Variants in SP8 observed in about 807,000 individuals in gnomAD.
The protein encoded by SP8 is transcription factor Sp8.
Under a neutral mutation model 15.3 loss-of-function variants are expected in SP8, and 7 were observed. The ratio of observed to expected loss-of-function variants is 0.46; its 90% CI spans 0.26 to 0.86. The LOEUF is 0.86. SP8 is among the 40% of genes least tolerant of loss of function. The pLI, the probability that SP8 is intolerant of heterozygous loss-of-function variation, is 0.16. For synonymous variants in SP8, 415 were observed against 356.3 expected (o/e 1.16, Z -1.86); for missense variants, 731 against 736.4 (o/e 0.99, Z 0.09).
chr7:20,785,594 A>G lies in SP8; in HGVS notation c.223T>C (p.Ser75Pro), dbSNP rs147160703. The stretch of plus-strand genomic sequence containing the variant: ...GAGCCGCCGTTCCTGGAGGCCCCGG[A>G]CACGCCGAAGCTTGAGAGACTGGAA... ...VGSSLSSFGV[S>P]GASRNGGSSS... The change falls in exon 2 of 2, where the codon TCC becomes CCC. Residue 75 changes from serine to proline, a missense_variant. Physicochemically the swap from Ser to Pro is moderately conservative, Grantham distance 74. This residue lies in a region of SP8 where 586 missense variants were observed against 524.9 expected (regional missense o/e 1.12). Coordinates refer to ENST00000418710, the MANE Select transcript of SP8 (RefSeq NM_182700.6). The surrounding 1 kb of genome is among the most constrained non-coding windows in gnomAD (Gnocchi z 7.2). 6.7e-7 allele frequency: 1 copy of G among 1,483,570 alleles called. No individual in the cohort carries two copies. Among genetic ancestry groups the G allele is most frequent in the South Asian group, 1.1e-5 (1 of 89,386 alleles). The allele number at this position is 1,483,570 out of a possible 1,614,324, so 91.9% of individuals were successfully genotyped here. A position where few individuals can be genotyped will look rare whatever the true frequency, so the allele number is the denominator to read the frequency against.
Position 20,784,204 on chromosome 7 carries a change from A to C in SP8, c.*86T>G, listed in dbSNP as rs1339312172. ...GAGAGCGAGTCGGATGCAATAGGGAAAGGCTGGAGTTGAAGTCCGGACAGA... is the reference window on the plus strand; with the variant it reads ...GAGAGCGAGTCGGATGCAATAGGGACAGGCTGGAGTTGAAGTCCGGACAGA... On this transcript the variant is annotated 3_prime_UTR_variant, in exon 2 of 2. Coordinates refer to ENST00000418710, the MANE Select transcript of SP8 (RefSeq NM_182700.6). 15 of 1,181,840 alleles carry C rather than the reference A, an allele frequency of 1.3e-5. No homozygotes were observed. The highest frequency in any genetic ancestry group is 1.7e-5 in the Non-Finnish European group (15 of 900,596). 73.2% of individuals were successfully genotyped at this position (1,181,840 alleles called of 1,614,324 possible).
chr7:20,785,698 C>A lies in SP8; in HGVS notation c.119G>T (p.Ser40Ile). The A allele has an allele frequency of 6.2e-7, 1 of 1,613,976 alleles. No homozygotes were observed. The highest frequency in any genetic ancestry group is 8.5e-7 in the Non-Finnish European group (1 of 1,179,994). ...GAAGCCTTTGCCGAAGGAAGAAGAG[C>A]TGTCCGAGAGGGAGGAGGGAGACGG... is the stretch of plus-strand genomic sequence containing the variant. ...PSPSPSSLSDSSSSFGKGFHP... is the reference protein window; with the variant it reads ...PSPSPSSLSDISSSFGKGFHP... Residue 40 changes from serine to isoleucine, a missense_variant, in exon 2 of 2, where the codon AGC (serine) becomes ATC (isoleucine). Transcript: ENST00000418710. This position sits in a 1 kb window ranked among gnomAD's most constrained non-coding sequence, Gnocchi z 7.2.
At position 20,785,832 on chromosome 7, in the gene SP8, G is replaced by A; in HGVS notation, c.22-37C>T. On this transcript the variant is annotated intron_variant, in intron 1 of 1. Transcript: ENST00000418710. This position sits in a 1 kb window ranked among gnomAD's most constrained non-coding sequence, Gnocchi z 7.2. ...AGAGGAGAAGGAGTGGGGGAGGGGA[G>A]GTGGGCAAAGGGCCGGTGGGGGAGG... The A allele has an allele frequency of 6.4e-7, 1 of 1,572,664 alleles. No homozygotes were observed. The highest frequency in any genetic ancestry group is 8.7e-7 in the Non-Finnish European group (1 of 1,147,878).
At position 20,785,424 on chromosome 7, in the gene SP8, TGCGGCGGCG is replaced by T. The variant is rs770823639; in HGVS notation, c.384_392del (p.Ala132_Ala134del). 122 of 1,167,150 alleles carry T rather than the reference TGCGGCGGCG, an allele frequency of 1.0e-4. No individual in the cohort carries two copies. Among genetic ancestry groups the T allele is most frequent in the Admixed American group, 2.3e-4 (7 of 30,000 alleles). 72.3% of individuals were successfully genotyped at this position (1,167,150 alleles called of 1,614,324 possible). Reference sequence around the variant, plus strand: ...CGAAGGGCGAGCTGGAGGCGGCGGCTGCGGCGGCGGCGGCGGCGGCTGCGGCGCTGCTGG... The same window carrying T: ...CGAAGGGCGAGCTGGAGGCGGCGGCTGCGGCGGCGGCTGCGGCGCTGCTGG... On this transcript the variant is annotated inframe_deletion, in exon 2 of 2. Coordinates refer to ENST00000418710, the MANE Select transcript of SP8 (RefSeq NM_182700.6). The surrounding 1 kb of genome is among the most constrained non-coding windows in gnomAD (Gnocchi z 7.2).
chr7:20,785,426 C>A lies in SP8; in HGVS notation c.391G>T (p.Ala131Ser). ...AAGGGCGAGCTGGAGGCGGCGGCTG[C>A]GGCGGCGGCGGCGGCGGCTGCGGCG... ...SSAAAAAAAA[A>S]AAASSSPFAN... Residue 131 changes from alanine to serine, a missense_variant, in exon 2 of 2, where the codon GCA becomes TCA. Coordinates refer to ENST00000418710, the MANE Select transcript of SP8 (RefSeq NM_182700.6). This position sits in a 1 kb window ranked among gnomAD's most constrained non-coding sequence, Gnocchi z 7.2. 2 of 1,183,930 alleles carry A rather than the reference C, an allele frequency of 1.7e-6. No individual in the cohort carries two copies. The highest frequency in any genetic ancestry group is 2.1e-6 in the Non-Finnish European group (2 of 938,540). 73.3% of individuals were successfully genotyped at this position (1,183,930 alleles called of 1,614,324 possible).
rs891270195 is a variant in SP8 at position 20,783,966 on chromosome 7, G to T, written c.*324C>A. On this transcript the variant is annotated 3_prime_UTR_variant, in exon 2 of 2. Coordinates refer to ENST00000418710, the MANE Select transcript of SP8 (RefSeq NM_182700.6). ...AAAAGTTACGCCCTTCACAACCTGGGGGGTGGAGGAGGGGAGGACAAGGAA... is the reference window on the plus strand; with the variant it reads ...AAAAGTTACGCCCTTCACAACCTGGTGGGTGGAGGAGGGGAGGACAAGGAA... The T allele has an allele frequency of 1.1e-5, 4 of 360,898 alleles. No individual in the cohort carries two copies. Among genetic ancestry groups the T allele is most frequent in the Non-Finnish European group, 1.5e-5 (3 of 205,030 alleles). The allele number at this position is 360,898 out of a possible 1,614,324, so 22.4% of individuals were successfully genotyped here.
rs1783521787 is a variant in SP8, at chr7:20,782,286, TTATC to T, written c.*2000_*2003del. 1 of 45,112 alleles carries T rather than the reference TTATC, an allele frequency of 2.2e-5. No individual in the cohort carries two copies. Among genetic ancestry groups the T allele is most frequent in the Non-Finnish European group, 4.1e-5 (1 of 24,142 alleles). 2.8% of individuals were successfully genotyped at this position (45,112 alleles called of 1,614,324 possible). On this transcript the variant is annotated 3_prime_UTR_variant, in exon 2 of 2. Transcript: ENST00000418710. ...AATACAAATTAACTGGCCTAGTCTT[TTATC>T]TGAGTTTATTATACCATTTAAAATA...
chr7:20,785,395 T>C lies in SP8; in HGVS notation c.422A>G (p.Asn141Ser). ...GGGGGCCTGGAAAACAGAGTAGTCG[T>C]TGGCGAAGGGCGAGCTGGAGGCGGC... ...AAAASSSPFA[N>S]DYSVFQAPGV... Residue 141 changes from asparagine (N) to serine (S), a missense_variant, in exon 2 of 2, where the codon AAC (asparagine) becomes AGC (serine). By Grantham distance (46) the Asn-to-Ser change is conservative. Coordinates refer to ENST00000418710, the MANE Select transcript of SP8 (RefSeq NM_182700.6). This position sits in a 1 kb window ranked among gnomAD's most constrained non-coding sequence, Gnocchi z 7.2. The C allele has an allele frequency of 8.0e-7, 1 of 1,246,662 alleles. No individual in the cohort carries two copies. Among genetic ancestry groups the C allele is most frequent in the Non-Finnish European group, 1.0e-6 (1 of 973,292 alleles). 77.2% of individuals were successfully genotyped at this position (1,246,662 alleles called of 1,614,324 possible).
Position 20,786,633 on chromosome 7 carries a change from A to C in SP8, c.21+145T>G. 1 of 739,954 alleles carries C rather than the reference A, an allele frequency of 1.4e-6. No individual in the cohort carries two copies. The highest frequency in any genetic ancestry group is 2.4e-6 in the Non-Finnish European group (1 of 417,770). 45.8% of individuals were successfully genotyped at this position (739,954 alleles called of 1,614,324 possible). A position where few individuals can be genotyped will look rare whatever the true frequency, so the allele number is the denominator to read the frequency against. On this transcript the variant is annotated intron_variant, in intron 1 of 1. Transcript: ENST00000418710. This position sits in a 1 kb window ranked among gnomAD's most constrained non-coding sequence, Gnocchi z 4.4. The stretch of plus-strand genomic sequence containing the variant: ...CTTCTCCCCCTTTTTCTTTTCTCCA[A>C]ACTCACTTGTATTTAAAGAAAAAAA...
In SP8 at chr7:20,785,994, G is replaced by A; in HGVS notation, c.22-199C>T. Reference sequence around the variant, plus strand: ...GCGCCCGGCCGCTTCCTACTCTACAGGAGGGGACAAGTTTGGCTGCCGGCG... The same window carrying A: ...GCGCCCGGCCGCTTCCTACTCTACAAGAGGGGACAAGTTTGGCTGCCGGCG... On this transcript the variant is annotated intron_variant, in intron 1 of 1. Transcript: ENST00000418710. The surrounding 1 kb of genome is among the most constrained non-coding windows in gnomAD (Gnocchi z 7.2). 1 of 1,421,190 alleles carries A rather than the reference G, an allele frequency of 7.0e-7. No homozygotes were observed. The highest frequency in any genetic ancestry group is 9.2e-7 in the Non-Finnish European group (1 of 1,090,596). The allele number at this position is 1,421,190 out of a possible 1,614,324, so 88.0% of individuals were successfully genotyped here. A position where few individuals can be genotyped will look rare whatever the true frequency, so the allele number is the denominator to read the frequency against.
Position 20,786,043 on chromosome 7 carries a change from G to A in SP8, c.22-248C>T. On this transcript the variant is annotated intron_variant, in intron 1 of 1. Coordinates refer to ENST00000418710, the MANE Select transcript of SP8 (RefSeq NM_182700.6). The surrounding 1 kb of genome is among the most constrained non-coding windows in gnomAD (Gnocchi z 4.4). ...CGTCTGATTCGGGAGCAAGCACCAC[G>A]CTAAAGAAGAGTTTGACAAGTATTC... The A allele has an allele frequency of 3.6e-6, 5 of 1,377,784 alleles. No individual in the cohort carries two copies. The highest frequency in any genetic ancestry group is 4.7e-6 in the Non-Finnish European group (5 of 1,065,712). The allele number at this position is 1,377,784 out of a possible 1,614,324, so 85.3% of individuals were successfully genotyped here.
Position 20,785,429 on chromosome 7 carries a change from C to G in SP8, c.388G>C (p.Ala130Pro). 1.7e-6 allele frequency: 2 copies of G among 1,177,498 alleles called. No individual in the cohort carries two copies. The highest frequency in any genetic ancestry group is 2.1e-6 in the Non-Finnish European group (2 of 940,162). 72.9% of individuals were successfully genotyped at this position (1,177,498 alleles called of 1,614,324 possible). The change falls in exon 2 of 2, where the codon GCC becomes CCC. Residue 130 changes from alanine (A) to proline (P), a missense_variant. Transcript: ENST00000418710. This position sits in a 1 kb window ranked among gnomAD's most constrained non-coding sequence, Gnocchi z 7.2. ...SSSAAAAAAA[A>P]AAAASSSPFA... ...GGCGAGCTGGAGGCGGCGGCTGCGG[C>G]GGCGGCGGCGGCGGCTGCGGCGCTG...
rs779330461 is a variant in SP8, at chr7:20,785,400, G to C, written c.417C>G (p.Phe139Leu). Reference protein sequence around the residue: ...AAAAAASSSPFANDYSVFQAP... With the variant: ...AAAAAASSSPLANDYSVFQAP... Reference sequence around the variant, plus strand: ...CCTGGAAAACAGAGTAGTCGTTGGCGAAGGGCGAGCTGGAGGCGGCGGCTG... The same window carrying C: ...CCTGGAAAACAGAGTAGTCGTTGGCCAAGGGCGAGCTGGAGGCGGCGGCTG... The change falls in exon 2 of 2, where the codon TTC (phenylalanine) becomes TTG (leucine). Residue 139 changes from phenylalanine to leucine, a missense_variant. By Grantham distance (22) the Phe-to-Leu change is conservative. This residue lies in a region of SP8 where 586 missense variants were observed against 524.9 expected (regional missense o/e 1.12). Transcript: ENST00000418710. This position sits in a 1 kb window ranked among gnomAD's most constrained non-coding sequence, Gnocchi z 7.2. 2,881 of 1,257,544 alleles carry C rather than the reference G, an allele frequency of 2.3e-3. 10 individuals carry two copies. Among genetic ancestry groups the C allele is most frequent in the Non-Finnish European group, 2.6e-3 (2,535 of 981,676 alleles). The allele number at this position is 1,257,544 out of a possible 1,614,324, so 77.9% of individuals were successfully genotyped here.
rs1199325698 is a variant in SP8 at position 20,782,690 on chromosome 7, T to C, written c.*1600A>G. 1.3e-5 allele frequency: 2 copies of C among 152,730 alleles called. No individual in the cohort carries two copies. Among genetic ancestry groups the C allele is most frequent in the East Asian group, 3.9e-4 (2 of 5,188 alleles). The allele number at this position is 152,730 out of a possible 1,614,324, so 9.5% of individuals were successfully genotyped here. Reference sequence around the variant, plus strand: ...AATGTCATCCAACATTTATCAAATATTGTCTTAGTTACAGCTTGATACCTA... The same window carrying C: ...AATGTCATCCAACATTTATCAAATACTGTCTTAGTTACAGCTTGATACCTA... On this transcript the variant is annotated 3_prime_UTR_variant, in exon 2 of 2. Transcript: ENST00000418710.
chr7:20,784,375 T>A lies in SP8; in HGVS notation c.1442A>T (p.Glu481Val). ...GGGCGGGCTGCCCGCGGCGCTGTGC[T>A]CGCTGTCGGTGTCGCTGCCCTTCTT... The part of the protein sequence containing the change: ...GGKKGSDTDS[E>V]HSAAGSPPCH... The change falls in exon 2 of 2, where the codon GAG becomes GTG. Residue 481 changes from glutamate (E) to valine (V), a missense_variant. By Grantham distance (121) the Glu-to-Val change is moderately radical. Around this residue, in one of 3 missense-constraint regions of SP8, gnomAD observed 114 missense variants for 111.9 expected, o/e 1.02. Coordinates refer to ENST00000418710, the MANE Select transcript of SP8 (RefSeq NM_182700.6). 1 of 1,525,638 alleles carries A rather than the reference T, an allele frequency of 6.6e-7. No homozygotes were observed. The highest frequency in any genetic ancestry group is 1.4e-5 in the African/African-American group (1 of 71,424). 94.5% of individuals were successfully genotyped at this position (1,525,638 alleles called of 1,614,324 possible). A position where few individuals can be genotyped will look rare whatever the true frequency, so the allele number is the denominator to read the frequency against.
At position 20,784,091 on chromosome 7, in the gene SP8, CGATGCGT is replaced by C; in HGVS notation, c.*192_*198del. On this transcript the variant is annotated 3_prime_UTR_variant, in exon 2 of 2. Coordinates refer to ENST00000418710, the MANE Select transcript of SP8 (RefSeq NM_182700.6). ...AAGGGAAAGCCAGGGCCCGGGACAG[CGATGCGT>C]GTTACTTACTTGTCCATATCCCCTT... 1 of 506,260 alleles carries C rather than the reference CGATGCGT, an allele frequency of 2.0e-6. No individual in the cohort carries two copies. The highest frequency in any genetic ancestry group is 3.5e-5 in the East Asian group (1 of 28,652). The allele number at this position is 506,260 out of a possible 1,614,324, so 31.4% of individuals were successfully genotyped here.
Position 20,785,487 on chromosome 7 carries a change from C to A in SP8, c.330G>T (p.Ser110=). 8.0e-7 allele frequency: 1 copy of A among 1,242,694 alleles called. No individual in the cohort carries two copies. Among genetic ancestry groups the A allele is most frequent in the Non-Finnish European group, 1.0e-6 (1 of 984,634 alleles). 77.0% of individuals were successfully genotyped at this position (1,242,694 alleles called of 1,614,324 possible). A position where few individuals can be genotyped will look rare whatever the true frequency, so the allele number is the denominator to read the frequency against. The change falls in exon 2 of 2, where the codon TCG becomes TCT. Residue 110 remains serine, a synonymous_variant. Transcript: ENST00000418710. The surrounding 1 kb of genome is among the most constrained non-coding windows in gnomAD (Gnocchi z 7.2). ...LVSDSFSCGG[S]PGSSAFSLTS... ...TGAGGGAGAAGGCGCTGGAGCCAGG[C>A]GAGCCGCCGCAGCTGAACGAGTCGG...
At position 20,784,809 on chromosome 7, in the gene SP8, G is replaced by T; in HGVS notation, c.1008C>A (p.Ser336=). The change falls in exon 2 of 2, where the codon TCC becomes TCA. Residue 336 remains serine, a synonymous_variant. Coordinates refer to ENST00000418710, the MANE Select transcript of SP8 (RefSeq NM_182700.6). ...SAGPSAPLGG[S]PRSSARRYSG... is the part of the protein sequence containing the mutation. ...AGTAGCGGCGAGCTGAGGAGCGCGG[G>T]GAGCCCCCCAGCGGCGCCGAAGGCC... is the stretch of plus-strand genomic sequence containing the variant. 1 of 1,529,392 alleles carries T rather than the reference G, an allele frequency of 6.5e-7. No individual in the cohort carries two copies. The highest frequency in any genetic ancestry group is 8.7e-7 in the Non-Finnish European group (1 of 1,144,772). The allele number at this position is 1,529,392 out of a possible 1,614,324, so 94.7% of individuals were successfully genotyped here.
In SP8 at chr7:20,784,389, G is replaced by A. The variant is rs1252631377; in HGVS notation, c.1428C>T (p.Ser476=). ...AGSGSGGKKG[S]DTDSEHSAAG... Reference sequence around the variant, plus strand: ...CGGCGCTGTGCTCGCTGTCGGTGTCGCTGCCCTTCTTGCCGCCGCTGCCCG... The same window carrying A: ...CGGCGCTGTGCTCGCTGTCGGTGTCACTGCCCTTCTTGCCGCCGCTGCCCG... Residue 476 remains serine, a synonymous_variant, in exon 2 of 2, where the codon AGC becomes AGT. Coordinates refer to ENST00000418710, the MANE Select transcript of SP8 (RefSeq NM_182700.6). The A allele has an allele frequency of 2.6e-6, 4 of 1,526,304 alleles. No homozygotes were observed. In the South Asian group the frequency reaches 3.6e-5, roughly 14 times the overall value. The allele number at this position is 1,526,304 out of a possible 1,614,324, so 94.5% of individuals were successfully genotyped here.
Sources: allele counts gnomAD v4.1 joint callset, GRCh38; gene constraint gnomAD v4.1.1; regional missense constraint gnomAD v4.1.1; non-coding constraint Gnocchi (gnomAD v3.1); transcripts MANE v1.5; gene names NCBI Gene and HGNC (gene_info 2026-07-23, HGNC 2026-07-21).